Variants in AMPH observed in about 807,000 individuals in gnomAD.
AMPH encodes the protein amphiphysin (Stiff-Mann syndrome with breast cancer 128kD autoantigen).
AMPH carries 49 observed loss-of-function variants against 99.1 expected under a neutral mutation model. The observed-to-expected ratio is 0.49, with a 90% CI of 0.39 to 0.63. The LOEUF is 0.63. AMPH is among the 20% of genes least tolerant of loss of function. The pLI, the probability that AMPH is intolerant of heterozygous loss-of-function variation, is 0.00. For missense variants in AMPH, 759 were observed against 863.4 expected (o/e 0.88, Z 1.52); for synonymous variants, 314 against 317.3 (o/e 0.99, Z 0.11).
chr7:38,438,799 T>C (rs556259408), intron 11 of AMPH, among the ~76,000 whole-genome samples: 5 of 152,312 alleles, frequency 3.3e-5, no homozygotes, highest in South Asian at 4.1e-4. Flanking sequence ...TAAGACCTAA[T>C]AGGATTACCA....
intron 3 of AMPH, among the ~76,000 whole-genome samples, chr7:38,497,225 G>T (rs773177533): frequency 2.6e-5 from 4 of 151,938 alleles, no homozygotes; most frequent in Non-Finnish European, 5.9e-5. Context: ...TATGATGGGC[G>T]AAAAAAGCTA....
At chr7:38,597,103 A>G (rs1793086060) in intron 1 of AMPH, among the ~76,000 whole-genome samples, 1 of 152,232 alleles carries the variant, frequency 6.6e-6, no homozygotes, top group African/African-American at 2.4e-5. Context: ...CTGACTATCA[A>G]AAAGCACACA....
At chr7:38,428,128 T>C (rs757069783) in intron 14 of AMPH, 7 of 456,668 alleles carry the variant, frequency 1.5e-5, no homozygotes, top group Middle Eastern at 6.5e-4. Flanking sequence ...AAGCCTTCTG[T>C]ATCTCTGATA....
chr7:38,578,070 T>C (rs1792312107), intron 1 of AMPH, among the ~76,000 whole-genome samples: 2 of 152,192 alleles, frequency 1.3e-5, no homozygotes, highest in South Asian at 4.1e-4. Flanking sequence ...AAATCAGTTG[T>C]TGACACTGCC....
At chr7:38,553,121 G>A (rs551756097) in intron 1 of AMPH, among the ~76,000 whole-genome samples, 1 of 152,326 alleles carries the variant, frequency 6.6e-6, no homozygotes, top group African/African-American at 2.4e-5. Context: ...CCTGTCTGGA[G>A]ACCTCTCCTT....
chr7:38,599,492 T>C (rs771659140), intron 1 of AMPH, among the ~76,000 whole-genome samples: 43 of 152,230 alleles, frequency 2.8e-4, no homozygotes, highest in Non-Finnish European at 5.9e-4. Flanking sequence ...ATAATACACA[T>C]TACATACAAA....
At chr7:38,485,292 C>T (rs1788445923) in intron 5 of AMPH, among the ~76,000 whole-genome samples, 1 of 151,860 alleles carries the variant, frequency 6.6e-6, no homozygotes, top group Non-Finnish European at 1.5e-5. Flanking sequence ...AAAAGATATT[C>T]CATGCAAATG....
rs371242037 is a variant in AMPH, at chr7:38,595,004, T to A, written c.69+36279A>T. ...TGTGGTGTACATTACATGTGAAATGTACCAGAAAGAACACAAACAGCCTTT... is the reference window on the plus strand; with the variant it reads ...TGTGGTGTACATTACATGTGAAATGAACCAGAAAGAACACAAACAGCCTTT... On this transcript the variant is annotated intron_variant, in intron 1 of 20. Transcript: ENST00000356264. Among the ~76,000 whole-genome samples, 4 of 152,328 alleles carry A rather than the reference T, an allele frequency of 2.6e-5. No individual in the cohort carries two copies. In the East Asian group the frequency reaches 7.7e-4, roughly 29 times the overall value.
intron 1 of AMPH, among the ~76,000 whole-genome samples, chr7:38,581,777 T>C (rs768358774): frequency 1.3e-5 from 2 of 152,136 alleles, no homozygotes; most frequent in African/African-American, 2.4e-5. Context: ...CAGATGAGCT[T>C]GGCTGATGGA....
rs571911369 is a variant in AMPH at position 38,627,516 on chromosome 7, G to A, written c.69+3767C>T. On this transcript the variant is annotated intron_variant, in intron 1 of 20. Coordinates refer to ENST00000356264, the MANE Select transcript of AMPH (RefSeq NM_001635.4). Reference sequence around the variant, plus strand: ...TAAAAATATAAAAAATTAGCCAAGCGTGGTGGTGGGCACCTGTAGTCCCAG... The same window carrying A: ...TAAAAATATAAAAAATTAGCCAAGCATGGTGGTGGGCACCTGTAGTCCCAG... Among the ~76,000 whole-genome samples, 7 of 151,638 alleles carry A rather than the reference G, an allele frequency of 4.6e-5. No homozygotes were observed. The East Asian group carries it at 5.8e-4, about 13-fold the overall frequency.
At chr7:38,407,889 C>T (rs1249226348) in intron 17 of AMPH, among the ~76,000 whole-genome samples, 1 of 152,104 alleles carries the variant, frequency 6.6e-6, no homozygotes, top group Non-Finnish European at 1.5e-5. Flanking sequence ...GATTCATAAG[C>T]AGGTTTCTGC....
chr7:38,503,490 T>C (rs1011103907), intron 3 of AMPH, among the ~76,000 whole-genome samples, 160 bp downstream of exon 3: 4 of 56,880 alleles, frequency 7.0e-5, no homozygotes, highest in African/African-American at 2.2e-4. Flanking sequence ...AATGGGAATT[T>C]GGGGCGGGGG....
At chr7:38,461,694 T>C (rs1383876218) in intron 10 of AMPH, among the ~76,000 whole-genome samples, 5 of 152,204 alleles carry the variant, frequency 3.3e-5, no homozygotes, top group African/African-American at 1.2e-4. Flanking sequence ...CAGGCACATA[T>C]ACTTTAAAGG....
chr7:38,571,289 AT>A (rs1562835279), intron 1 of AMPH, among the ~76,000 whole-genome samples: 8 of 47,708 alleles, frequency 1.7e-4, no homozygotes, highest in Non-Finnish European at 2.4e-4. Flanking sequence ...TTTTATATAT[AT>A]TTATATATGA....
At chr7:38,513,980 C>T (rs562735817) in intron 2 of AMPH, among the ~76,000 whole-genome samples, 5 of 152,278 alleles carry the variant, frequency 3.3e-5, no homozygotes, top group African/African-American at 1.2e-4. Flanking sequence ...GTCTTTGACC[C>T]CCCTTTGCTT....
rs752458751 is a variant in AMPH at position 38,436,366 on chromosome 7, T to A, written c.1040A>T (p.Lys347Ile). The change falls in exon 12 of 21, where the codon AAA becomes ATA. Residue 347 changes from lysine to isoleucine, a missense_variant. Physicochemically the swap from Lys to Ile is moderately radical, Grantham distance 102. Transcript: ENST00000356264. ...GTCCAGATCCAGCAAAGTCTCCTCT[T>A]TCTTCACCTCAGGGACTTCATTCTG... ...PSQNEVPEVK[K>I]EETLLDLDFD... is the part of the protein sequence containing the mutation. 6.2e-7 allele frequency: 1 copy of A among 1,613,988 alleles called. No individual in the cohort carries two copies. The highest frequency in any genetic ancestry group is 8.5e-7 in the Non-Finnish European group (1 of 1,180,002).
chr7:38,581,722 A>T (rs557287920), intron 1 of AMPH, among the ~76,000 whole-genome samples: 81 of 152,266 alleles, frequency 5.3e-4, no homozygotes, highest in African/African-American at 1.9e-3. Flanking sequence ...GTAGTAGTGG[A>T]GGTGTAAAAA....
chr7:38,625,082 T>C lies in AMPH; in HGVS notation c.69+6201A>G, dbSNP rs543229340. ...CACCACACACCATAGAAGGTAAGAA[T>C]GAAGCACAACACTGACAACAGGGGA... On this transcript the variant is annotated intron_variant, in intron 1 of 20. Coordinates refer to ENST00000356264, the MANE Select transcript of AMPH (RefSeq NM_001635.4). 7.9e-5 allele frequency among the ~76,000 whole-genome samples: 12 copies of C among 152,162 alleles called. 1 individual carries two copies. The South Asian group carries it at 2.1e-3, about 26-fold the overall frequency.
In AMPH at chr7:38,438,240, A is replaced by G. The variant is rs1786367633; in HGVS notation, c.1018-1852T>C. Among the ~76,000 whole-genome samples, 4 of 152,330 alleles carry G rather than the reference A, an allele frequency of 2.6e-5. No individual in the cohort carries two copies. The South Asian group carries it at 8.3e-4, about 32-fold the overall frequency. On this transcript the variant is annotated intron_variant, in intron 11 of 20. Coordinates refer to ENST00000356264, the MANE Select transcript of AMPH (RefSeq NM_001635.4). ...ATGTTGACAACACTTTATTGCCTTTAAAGCATTTATCTTGCCATGTTCTCC... is the reference window on the plus strand; with the variant it reads ...ATGTTGACAACACTTTATTGCCTTTGAAGCATTTATCTTGCCATGTTCTCC...
Sources: allele counts gnomAD v4.1 joint callset (sites outside exome capture counted in the v4.1 genomes callset), GRCh38; gene constraint gnomAD v4.1.1; transcripts MANE v1.5; gene names NCBI Gene and HGNC (gene_info 2026-07-23, HGNC 2026-07-21).